The following TMEM232 variants were observed in gnomAD, a reference collection of about 807,000 sequenced individuals.
TMEM232 encodes transmembrane protein 232.
A neutral mutation model predicts 78.8 loss-of-function variants in TMEM232; 80 were observed. The observed-to-expected ratio is 1.01, with a 90% CI of 0.85 to 1.22. The LOEUF is 1.22. TMEM232 is among the 50% of genes most tolerant of loss of function. The pLI is 0.00. For missense variants in TMEM232, 881 were observed against 742.2 expected, an observed-to-expected ratio of 1.19 and a Z score of -2.17; for synonymous variants, 297 against 254.3, an observed-to-expected ratio of 1.17 and a Z score of -1.60.
rs1055702873 is a variant in TMEM232 at position 110,625,291 on chromosome 5, T to C, written c.744A>G (p.Arg248=). The C allele has an allele frequency of 3.3e-5, 51 of 1,541,594 alleles. 1 individual carries two copies. Among genetic ancestry groups the C allele is most frequent in the Non-Finnish European group, 4.0e-5 (46 of 1,142,726 alleles). The change falls in exon 7 of 14, where the codon AGA becomes AGG. Residue 248 remains arginine, a synonymous_variant. Coordinates refer to ENST00000455884, the MANE Select transcript of TMEM232 (RefSeq NM_001039763.4). ...SIFRPVEDKK[R]YENTDSDMGG... is the part of the protein sequence containing the mutation. ...CCATATCAGAATCTGTGTTCTCATA[T>C]CTTTTCTTATCTTCCACAGGTCTAA...
At chr5:110,416,272 C>A (rs1487632010), downstream of TMEM232, among the ~76,000 whole-genome samples, 5 of 152,222 alleles carry the variant, frequency 3.3e-5, no homozygotes, top group African/African-American at 1.2e-4. Flanking sequence ...TGAATTTGTT[C>A]CTACACATGT....
intron 5 of TMEM232, among the ~76,000 whole-genome samples, chr5:110,633,305 T>C (rs1317184364): frequency 2.0e-5 from 3 of 151,790 alleles, no homozygotes; most frequent in Admixed American, 1.3e-4. Context: ...ATAAAACTCA[T>C]GGGTAAAGCA....
At chr5:110,540,160 G>A (rs376069532) in intron 11 of TMEM232, among the ~76,000 whole-genome samples, 3 of 152,322 alleles carry the variant, frequency 2.0e-5, no homozygotes, top group African/African-American at 2.4e-5. Context: ...TAGCAGAGAG[G>A]AAAGGCATAG....
At chr5:110,732,952 C>T (rs1415490840) in intron 2 of TMEM232, among the ~76,000 whole-genome samples, 1 of 152,096 alleles carries the variant, frequency 6.6e-6, no homozygotes, top group Admixed American at 6.5e-5. Context: ...CCAGTATCTA[C>T]AAGGAACTTA....
At chr5:110,737,814 A>G (rs559920047) in intron 1 of TMEM232, among the ~76,000 whole-genome samples, 13 of 152,196 alleles carry the variant, frequency 8.5e-5, no homozygotes, top group Non-Finnish European at 1.8e-4. Context: ...ATTACTATAT[A>G]TTTTAAAATT....
At chr5:110,405,159 A>T (rs55691636) in intron 2 of TMEM232, among the ~76,000 whole-genome samples, 4,679 of 152,140 alleles carry the variant, frequency 0.031, 267 homozygotes, top group African/African-American at 0.11. Flanking sequence ...AAAGCAAGAT[A>T]AAAAAGAGAC....
At chr5:110,416,102 A>C (rs1756198985), downstream of TMEM232, among the ~76,000 whole-genome samples, 1 of 152,244 alleles carries the variant, frequency 6.6e-6, no homozygotes, top group African/African-American at 2.4e-5. Context: ...AAACTATACA[A>C]ATATATAAAT....
intron 2 of TMEM232, 141 bp from the exon 3 acceptor site, chr5:110,642,512 T>A (rs1381377577): frequency 1.7e-6 from 1 of 576,828 alleles, no homozygotes; most frequent in Non-Finnish European, 2.9e-6. Flanking sequence ...ACAAAAAAAA[T>A]CAGTAAAAGA....
chr5:110,617,382 A>ATAT (rs1448086699), intron 8 of TMEM232, among the ~76,000 whole-genome samples: 3 of 139,764 alleles, frequency 2.1e-5, no homozygotes, highest in African/African-American at 9.5e-5. Flanking sequence ...TATGGTAAAA[A>ATAT]AAATATATTT....
chr5:110,548,019 GC>G (rs1773993470), intron 11 of TMEM232, among the ~76,000 whole-genome samples: 1 of 122,618 alleles, frequency 8.2e-6, no homozygotes, highest in Non-Finnish European at 1.7e-5. Context: ...AAAAAAAAAA[GC>G]AAAAAGCAAA....
intron 12 of TMEM232, among the ~76,000 whole-genome samples, chr5:110,506,613 A>T (rs1766937295): frequency 6.6e-6 from 1 of 152,112 alleles, no homozygotes; most frequent in African/African-American, 2.4e-5. Context: ...CTCTTTTCCA[A>T]TTCTCATTCA....
At chr5:110,578,405 C>A (rs1025943343) in intron 10 of TMEM232, among the ~76,000 whole-genome samples, 3 of 151,882 alleles carry the variant, frequency 2.0e-5, no homozygotes, top group Admixed American at 6.6e-5. Context: ...ACATGCAAAA[C>A]CTTTTTAAAA....
chr5:110,437,630 T>C (rs1037666042), intron 12 of TMEM232, among the ~76,000 whole-genome samples: 4 of 152,056 alleles, frequency 2.6e-5, no homozygotes, highest in Non-Finnish European at 4.4e-5. Context: ...ACTTCATATA[T>C]ATTACACAGT....
chr5:110,696,558 A>G (rs924219450), intron 1 of TMEM232, among the ~76,000 whole-genome samples: 2 of 152,154 alleles, frequency 1.3e-5, no homozygotes, highest in Non-Finnish European at 2.9e-5. Flanking sequence ...AAAACCCCAT[A>G]GTCTCAGCCC....
chr5:110,709,121 A>G (rs2431650), intron 1 of TMEM232, among the ~76,000 whole-genome samples: 141,845 of 152,138 alleles, frequency 0.93, 66,726 homozygotes, highest in Non-Finnish European at 0.99. Context: ...GACAAAAACC[A>G]TAAGAAGAGA....
Position 110,465,646 on chromosome 5 carries a change from T to C in TMEM232, c.1704-40730A>G, listed in dbSNP as rs1171212465. Among the ~76,000 whole-genome samples the C allele has an allele frequency of 2.6e-5, 4 of 152,348 alleles. No individual in the cohort carries two copies. In the East Asian group the frequency reaches 7.7e-4, roughly 29 times the overall value. ...CAAAAATCTAACACATATAGACAAC[T>C]AATCTAGAAATTTGAACTAAATAAA... On this transcript the variant is annotated intron_variant, in intron 12 of 13. Coordinates refer to ENST00000455884, the MANE Select transcript of TMEM232 (RefSeq NM_001039763.4).
chr5:110,727,586 GA>G (rs1798285426), upstream of TMEM232, among the ~76,000 whole-genome samples: 1 of 152,090 alleles, frequency 6.6e-6, no homozygotes, highest in African/African-American at 2.4e-5. Flanking sequence ...CCCAGCCTGG[GA>G]AACAGAGCGA....
intron 12 of TMEM232, among the ~76,000 whole-genome samples, chr5:110,441,113 CTCTGGATCCAGGGTT>C (rs1265171054): frequency 6.6e-6 from 1 of 152,072 alleles, no homozygotes; most frequent in Non-Finnish European, 1.5e-5. Flanking sequence ...AAATGCAAGT[CTCTGGATCCAGGGTT>C]TCTGGATCTT....
At chr5:110,709,010 A>T (rs1796213493) in intron 1 of TMEM232, among the ~76,000 whole-genome samples, 1 of 152,140 alleles carries the variant, frequency 6.6e-6, no homozygotes, top group Non-Finnish European at 1.5e-5. Context: ...TAAAGATACA[A>T]ATAGACTCAA....
Sources: allele counts gnomAD v4.1 joint callset (sites outside exome capture counted in the v4.1 genomes callset), GRCh38; gene constraint gnomAD v4.1.1; transcripts MANE v1.5; gene names NCBI Gene and HGNC (gene_info 2026-07-23, HGNC 2026-07-21).